Variants in USP24 observed in about 807,000 individuals in gnomAD.
USP24 encodes the protein ubiquitin specific peptidase 24.
USP24 carries 97 observed loss-of-function variants against 361.6 expected under a neutral mutation model. The observed-to-expected ratio is 0.27, with a 90% CI of 0.23 to 0.32. USP24 has a LOEUF of 0.32. Ranked by LOEUF, USP24 falls within the 10% of genes least tolerant of loss-of-function variation. USP24 has a pLI of 1.00. For synonymous variants in USP24, 1,098 were observed against 1,124.6 expected, an observed-to-expected ratio of 0.98 and a Z score of 0.47; for missense variants, 2,353 against 3,165.6, an observed-to-expected ratio of 0.74 and a Z score of 6.16.
intron 39 of USP24, among the ~76,000 whole-genome samples, chr1:55,107,856 A>AAAC (rs1553150242): frequency 1.3e-5 from 2 of 149,564 alleles, no homozygotes; most frequent in East Asian, 1.9e-4. Flanking sequence ...AAAAAAAAAA[A>AAAC]AAAAAAAAAA....
chr1:55,101,782 C>T (rs573299132), intron 42 of USP24, 79 bp from the exon 43 acceptor site: 7 of 1,434,628 alleles, frequency 4.9e-6, no homozygotes, highest in East Asian at 2.6e-5. Flanking sequence ...TATAGCTATG[C>T]GGGAGATATA....
chr1:55,179,075 G>C (rs1165852164), intron 1 of USP24, among the ~76,000 whole-genome samples: 2 of 152,116 alleles, frequency 1.3e-5, no homozygotes, highest in African/African-American at 4.8e-5. Flanking sequence ...GGATTCCAGA[G>C]TCCCTATTCT....
chr1:55,133,781 T>TAC (rs1306663988), intron 30 of USP24, among the ~76,000 whole-genome samples: 1 of 151,796 alleles, frequency 6.6e-6, no homozygotes, highest in Non-Finnish European at 1.5e-5. Flanking sequence ...GGACTACAGG[T>TAC]ACATGCCATC....
rs753384716 is a variant in USP24 at position 55,124,450 on chromosome 1, G to A, written c.4120+19C>T. The A allele has an allele frequency of 1.2e-6, 2 of 1,601,674 alleles. No homozygotes were observed. The highest frequency in any genetic ancestry group is 3.4e-5 in the Admixed American group (2 of 58,218). ...TTTCTTACCCAGTGTTCTCATTACTGTCTCTTTTTAATCAGTACCTGAACT... is the reference window on the plus strand; with the variant it reads ...TTTCTTACCCAGTGTTCTCATTACTATCTCTTTTTAATCAGTACCTGAACT... On this transcript the variant is annotated intron_variant, in intron 35 of 67. Coordinates refer to ENST00000294383, the MANE Select transcript of USP24 (RefSeq NM_015306.3).
chr1:55,180,584 C>T (rs183792568), intron 1 of USP24, among the ~76,000 whole-genome samples: 8 of 152,306 alleles, frequency 5.3e-5, no homozygotes, highest in Admixed American at 2.0e-4. Context: ...ACAGAATCTA[C>T]GGGCACAATC....
intron 1 of USP24, among the ~76,000 whole-genome samples, chr1:55,192,089 A>C (rs1644304368): frequency 6.6e-6 from 1 of 152,208 alleles, no homozygotes; most frequent in South Asian, 2.1e-4. Flanking sequence ...AAATCTACCT[A>C]ATCCTTGCAA....
At chr1:55,073,277 G>A (rs890835365) in intron 64 of USP24, among the ~76,000 whole-genome samples, 2 of 152,074 alleles carry the variant, frequency 1.3e-5, no homozygotes, top group East Asian at 3.9e-4. Flanking sequence ...CAATCAGCCT[G>A]TGTTCAAGTT....
intron 50 of USP24, among the ~76,000 whole-genome samples, chr1:55,095,966 A>C (rs1289088667): frequency 6.6e-6 from 1 of 152,242 alleles, no homozygotes; most frequent in Non-Finnish European, 1.5e-5. Context: ...GGTCTCCACC[A>C]AATAGCTTTT....
chr1:55,134,989 C>T (rs973242839), intron 28 of USP24, among the ~76,000 whole-genome samples: 2 of 151,992 alleles, frequency 1.3e-5, no homozygotes, highest in Non-Finnish European at 2.9e-5. Flanking sequence ...CATTACACAA[C>T]GTATTTACAA....
chr1:55,139,104 T>TA, intron 24 of USP24, 94 bp from the exon 25 acceptor site: 1 of 1,094,338 alleles, frequency 9.1e-7, no homozygotes. Context: ...CAATAACAGT[T>TA]AGCACTCACT....
At chr1:55,172,547 A>G in intron 3 of USP24, 27 bp from the exon 4 acceptor site, 1 of 1,576,380 alleles carries the variant, frequency 6.3e-7, no homozygotes, top group Middle Eastern at 1.7e-4. Flanking sequence ...GGCAATCTAG[A>G]GTCTAACTTG....
rs761043277 is a variant in USP24, at chr1:55,106,272, G to C, written c.4763-9C>G. ...TTTAATGAGTGATGAACCTGGAATA[G>C]AGCATAATATTCATGTTGAAGATGA... On this transcript the variant is annotated splice_polypyrimidine_tract_variant and intron_variant, in intron 40 of 67. Transcript: ENST00000294383. 1 of 1,571,348 alleles carries C rather than the reference G, an allele frequency of 6.4e-7. No homozygotes were observed. Among genetic ancestry groups the C allele is most frequent in the Non-Finnish European group, 8.8e-7 (1 of 1,141,832 alleles).
chr1:55,083,973 A>G lies in USP24; in HGVS notation c.6766-85T>C, dbSNP rs1283256144. 4 of 1,091,692 alleles carry G rather than the reference A, an allele frequency of 3.7e-6. No homozygotes were observed. In the African/African-American group the frequency reaches 4.8e-5, roughly 13 times the overall value. The allele number at this position is 1,091,692 out of a possible 1,614,324, so 67.6% of individuals were successfully genotyped here. On this transcript the variant is annotated intron_variant, in intron 56 of 67. Transcript: ENST00000294383. ...CAGGATTAATTTGAGGTAAACCACC[A>G]TAAGAACAAAAGGAAAGTCTGATAC...
Position 55,137,540 on chromosome 1 carries a change from A to G in USP24, c.3176T>C (p.Phe1059Ser), listed in dbSNP as rs538913552. The G allele has an allele frequency of 1.9e-6, 3 of 1,613,428 alleles. No homozygotes were observed. The change falls in exon 28 of 68, where the codon TTT becomes TCT. Residue 1059 changes from phenylalanine (F) to serine (S), a missense_variant. Physicochemically the swap from Phe to Ser is radical, Grantham distance 155 (BLOSUM62 -2). Transcript: ENST00000294383. ...TSSSSSSSGV[F>S]SSSYAMEQEK... is the part of the protein sequence containing the mutation. ...CTGCTCCATGGCATATGAAGAACTA[A>G]AAACCCCACTGCTGCTGCTGCTGGA... is the stretch of plus-strand genomic sequence containing the variant.
chr1:55,162,131 T>C, intron 8 of USP24, 68 bp downstream of exon 8: 2 of 1,438,414 alleles, frequency 1.4e-6, no homozygotes, highest in Non-Finnish European at 1.9e-6. Context: ...AATAACCTGA[T>C]AAAAAGAAGT....
At chr1:55,083,987 A>C in intron 56 of USP24, 99 bp from the exon 57 acceptor site, 1 of 923,230 alleles carries the variant, frequency 1.1e-6, no homozygotes, top group Non-Finnish European at 1.7e-6. Context: ...GAACAAAAGG[A>C]AAGTCTGATA....
chr1:55,069,043 C>T lies in USP24; in HGVS notation c.*2G>A, dbSNP rs1644866859. ...GACTCCTCTCAGGCTGGGCATGTTC[C>T]TCTAGGGATCAACATCATCAAGGTC... On this transcript the variant is annotated 3_prime_UTR_variant, in exon 68 of 68. Transcript: ENST00000294383. 1.2e-6 allele frequency: 2 copies of T among 1,613,888 alleles called. No individual in the cohort carries two copies. The highest frequency in any genetic ancestry group is 1.3e-5 in the African/African-American group (1 of 75,038).
intron 5 of USP24, among the ~76,000 whole-genome samples, chr1:55,168,364 A>G (rs1649098493): frequency 6.6e-6 from 1 of 152,110 alleles, no homozygotes; most frequent in African/African-American, 2.4e-5. Flanking sequence ...TAAAAATAAC[A>G]CTACTGGATA....
At chr1:55,206,946 C>T (rs1024978478) in intron 1 of USP24, among the ~76,000 whole-genome samples, 2 of 152,064 alleles carry the variant, frequency 1.3e-5, no homozygotes, top group East Asian at 3.9e-4. Flanking sequence ...GCAGGCAGAT[C>T]GCCTGAGCTG....
Sources: allele counts gnomAD v4.1 joint callset (sites outside exome capture counted in the v4.1 genomes callset), GRCh38; gene constraint gnomAD v4.1.1; transcripts MANE v1.5; gene names NCBI Gene and HGNC (gene_info 2026-07-23, HGNC 2026-07-21).